PEG3: variants seen among roughly 807,000 people sequenced by gnomAD.
PEG3 encodes paternally-expressed gene 3 protein.
A neutral mutation model predicts 35.5 loss-of-function variants in PEG3; 23 were observed. That is an observed-to-expected ratio of 0.65 (90% confidence interval 0.47 to 0.92). The LOEUF is 0.92. Among genes scored for constraint, PEG3 ranks in the 40% least tolerant of loss-of-function variants. The pLI is 0.00. For missense variants in PEG3, 1,960 were observed against 1,985.3 expected (o/e 0.99, Z 0.24); for synonymous variants, 707 against 697.0 (o/e 1.01, Z -0.23).
chr19:56,822,932 C>T (rs1413889520), intron 5 of PEG3, 96 bp from the exon 6 acceptor site: 3 of 1,484,974 alleles, frequency 2.0e-6, no homozygotes, highest in Non-Finnish European at 2.7e-6. Flanking sequence ...GAGATGCTAC[C>T]CTCTTCCCAC....
At chr19:56,822,166 C>A (rs890445246) in intron 6 of PEG3, among the ~76,000 whole-genome samples, 1 of 152,218 alleles carries the variant, frequency 6.6e-6, no homozygotes, top group Non-Finnish European at 1.5e-5. Flanking sequence ...TGAACCGTCA[C>A]TAAATGTCAC....
At position 56,824,495 on chromosome 19, in the gene PEG3, T is replaced by C. The variant is rs368627298; in HGVS notation, c.161A>G (p.Tyr54Cys). 2.2e-5 allele frequency: 35 copies of C among 1,614,020 alleles called. No individual in the cohort carries two copies. The highest frequency in any genetic ancestry group is 3.3e-5 in the South Asian group (3 of 91,084). The change falls in exon 4 of 10, where the codon TAT becomes TGT. Residue 54 changes from tyrosine to cysteine, a missense_variant. Around this residue, in one of 5 missense-constraint regions of PEG3, gnomAD observed 613 missense variants for 577.1 expected, o/e 1.06. Transcript: ENST00000326441. ...FFHQRFRNLI[Y>C]VEFVGPRKTL... ...CTTCCGAGGCCCAACAAATTCCACATAGATTAGGTTCCGAAACCTCTGATG... is the reference window on the plus strand; with the variant it reads ...CTTCCGAGGCCCAACAAATTCCACACAGATTAGGTTCCGAAACCTCTGATG...
chr19:56,823,736 C>T (rs541231791), intron 4 of PEG3, 57 bp from the exon 5 acceptor site: 36 of 1,582,236 alleles, frequency 2.3e-5, no homozygotes, highest in African/African-American at 2.1e-4. Flanking sequence ...CACAATAGTT[C>T]CCCCCAATCC....
rs1035781751 is a variant in PEG3 at position 56,813,933 on chromosome 19, T to C, written c.4509A>G (p.Pro1503=). 18 of 1,614,210 alleles carry C rather than the reference T, an allele frequency of 1.1e-5. No homozygotes were observed. The highest frequency in any genetic ancestry group is 1.5e-5 in the Non-Finnish European group (18 of 1,180,028). ...CTGTGCATTCATGGCAGTCATAGTA[T>C]GGTTCTTCTACCTGAATCTCTTGAT... The part of the protein sequence containing the change: ...GEDQEIQVEE[P]YYDCHECTET... Residue 1503 remains proline (P), a synonymous_variant, in exon 10 of 10, where the codon CCA becomes CCG. Transcript: ENST00000326441.
intron 2 of PEG3, among the ~76,000 whole-genome samples, chr19:56,832,539 T>C (rs2061674063): frequency 6.6e-6 from 1 of 152,214 alleles, no homozygotes; most frequent in South Asian, 2.1e-4. Context: ...TTACTAAAGC[T>C]TCCATATCTC....
In PEG3 at chr19:56,811,721, G is replaced by T; in HGVS notation, c.*1954C>A. 1 of 985,426 alleles carries T rather than the reference G, an allele frequency of 1.0e-6. No homozygotes were observed. Among genetic ancestry groups the T allele is most frequent in the Non-Finnish European group, 1.2e-6 (1 of 829,974 alleles). The allele number at this position is 985,426 out of a possible 1,614,324, so 61.0% of individuals were successfully genotyped here. A position where few individuals can be genotyped will look rare whatever the true frequency, so the allele number is the denominator to read the frequency against. On this transcript the variant is annotated 3_prime_UTR_variant, in exon 10 of 10. Transcript: ENST00000326441. The stretch of plus-strand genomic sequence containing the variant: ...AACCTCACTGCCCCTCAGCTTTCCC[G>T]ATGTCCGTTCCAACCTCAGTCCTTC...
At position 56,813,047 on chromosome 19, in the gene PEG3, T is replaced by C; in HGVS notation, c.*628A>G. 1.0e-6 allele frequency: 1 copy of C among 985,370 alleles called. No homozygotes were observed. Among genetic ancestry groups the C allele is most frequent in the Non-Finnish European group, 1.2e-6 (1 of 829,590 alleles). 61.0% of individuals were successfully genotyped at this position (985,370 alleles called of 1,614,324 possible). On this transcript the variant is annotated 3_prime_UTR_variant, in exon 10 of 10. Coordinates refer to ENST00000326441, the MANE Select transcript of PEG3 (RefSeq NM_006210.3). Reference sequence around the variant, plus strand: ...AGTAAGGAGTAAAAGCCATGTTATCTATCATGCCTACAGCTTCACAAGACT... The same window carrying C: ...AGTAAGGAGTAAAAGCCATGTTATCCATCATGCCTACAGCTTCACAAGACT...
At chr19:56,821,821 C>G in intron 6 of PEG3, 67 bp from the exon 7 acceptor site, 2 of 1,570,134 alleles carry the variant, frequency 1.3e-6, no homozygotes, top group Non-Finnish European at 1.7e-6. Flanking sequence ...AGGTTTGTCC[C>G]ACTCAACTAT....
chr19:56,823,393 G>A (rs965280286), intron 5 of PEG3, among the ~76,000 whole-genome samples, 200 bp downstream of exon 5: 8 of 152,158 alleles, frequency 5.3e-5, no homozygotes, highest in African/African-American at 1.4e-4. Context: ...ACGGTATTAA[G>A]TATTTAAGGT....
chr19:56,811,012 GAC>G lies in PEG3; in HGVS notation c.*2661_*2662del. On this transcript the variant is annotated 3_prime_UTR_variant, in exon 10 of 10. Coordinates refer to ENST00000326441, the MANE Select transcript of PEG3 (RefSeq NM_006210.3). ...AACAGCTATTTTGAATATACATTTT[GAC>G]ACAGTTATAATCATAAACCTGTGCA... The G allele has an allele frequency of 1.0e-6, 1 of 974,020 alleles. No homozygotes were observed. Among genetic ancestry groups the G allele is most frequent in the Non-Finnish European group, 1.2e-6 (1 of 819,606 alleles). 60.3% of individuals were successfully genotyped at this position (974,020 alleles called of 1,614,324 possible). A position where few individuals can be genotyped will look rare whatever the true frequency, so the allele number is the denominator to read the frequency against.
chr19:56,827,877 T>C (rs768168795), intron 2 of PEG3, among the ~76,000 whole-genome samples: 6 of 152,210 alleles, frequency 3.9e-5, no homozygotes, highest in Non-Finnish European at 8.8e-5. Flanking sequence ...AGATGATTTC[T>C]AGAAGGATAT....
intron 2 of PEG3, among the ~76,000 whole-genome samples, chr19:56,832,835 C>T (rs911434381): frequency 1.3e-5 from 2 of 152,180 alleles, no homozygotes; most frequent in South Asian, 2.1e-4. Context: ...ACAAGCCTGG[C>T]GCTGCCTGCT....
chr19:56,823,095 C>T (rs1243805096), intron 5 of PEG3, among the ~76,000 whole-genome samples: 1 of 152,228 alleles, frequency 6.6e-6, no homozygotes, highest in Non-Finnish European at 1.5e-5. Context: ...CTAACCCCCA[C>T]TTCAGACTCT....
Position 56,815,934 on chromosome 19 carries a change from A to G in PEG3, c.2508T>C (p.His836=), listed in dbSNP as rs748368763. Residue 836 remains histidine, a synonymous_variant, in exon 10 of 10, where the codon CAT becomes CAC. Transcript: ENST00000326441. ...TTGGAGGTTTGGAAGCCACTAAGCT[A>G]TGGATAACAGACCTACTGTATTCCC... ...EGREYSRSVI[H]SLVASKPPRS... 1.2e-6 allele frequency: 2 copies of G among 1,605,522 alleles called. No individual in the cohort carries two copies. Among genetic ancestry groups the G allele is most frequent in the African/African-American group, 2.7e-5 (2 of 74,658 alleles).
chr19:56,827,451 A>G (rs2061154739), intron 2 of PEG3, among the ~76,000 whole-genome samples: 1 of 152,148 alleles, frequency 6.6e-6, no homozygotes, highest in Non-Finnish European at 1.5e-5. Flanking sequence ...ACTTCCCACC[A>G]TGGCAGAGGA....
At chr19:56,832,350 T>A (rs12462610) in intron 2 of PEG3, among the ~76,000 whole-genome samples, 13,181 of 152,126 alleles carry the variant, frequency 0.087, 726 homozygotes, top group Admixed American at 0.16. Flanking sequence ...GGTCACCATC[T>A]GTACCTCCCC....
chr19:56,837,836 C>T (rs762689611), intron 1 of PEG3, among the ~76,000 whole-genome samples: 5 of 151,912 alleles, frequency 3.3e-5, no homozygotes, highest in Non-Finnish European at 5.9e-5. Context: ...CCCCCGCCAC[C>T]GGCCAACACA....
chr19:56,821,295 C>A (rs144542414), intron 7 of PEG3, among the ~76,000 whole-genome samples: 1 of 152,334 alleles, frequency 6.6e-6, no homozygotes, highest in East Asian at 1.9e-4. Flanking sequence ...GCTCCCTGGC[C>A]AGTCTACTCT....
intron 1 of PEG3, among the ~76,000 whole-genome samples, chr19:56,838,568 G>T (rs1166041709): frequency 6.6e-6 from 1 of 152,208 alleles, no homozygotes; most frequent in East Asian, 1.9e-4. Context: ...GGTGAACAAA[G>T]TCTTGGTCAG....
Sources: allele counts gnomAD v4.1 joint callset (sites outside exome capture counted in the v4.1 genomes callset), GRCh38; gene constraint gnomAD v4.1.1; regional missense constraint gnomAD v4.1.1; transcripts MANE v1.5; gene names NCBI Gene and HGNC (gene_info 2026-07-23, HGNC 2026-07-21).